Variants in ZNF600 observed in about 807,000 individuals in gnomAD.
The protein encoded by ZNF600 is zinc finger protein 600.
Under a neutral mutation model 7.3 loss-of-function variants are expected in ZNF600, and 4 were observed. The ratio of observed to expected loss-of-function variants is 0.55; its 90% CI spans 0.27 to 1.25. ZNF600 has a LOEUF of 1.25. Among genes scored for constraint, ZNF600 ranks in the 50% most tolerant of loss-of-function variants. The probability of loss-of-function intolerance (pLI) is 0.12; values close to 1 mark genes in which losing one functional copy is unlikely to be tolerated. For missense variants in ZNF600, 911 were observed against 922.1 expected (o/e 0.99, Z 0.16); for synonymous variants, 290 against 308.9 (o/e 0.94, Z 0.64).
chr19:52,792,659 T>G, the ZNF600 span, among the ~76,000 whole-genome samples: 1 of 152,188 alleles, frequency 6.6e-6, no homozygotes, highest in African/African-American at 2.4e-5. Context: ...TTGTTTAAAG[T>G]TGTCCCGCCT....
Position 52,766,951 on chromosome 19 carries a change from T to C in ZNF600, c.1012A>G (p.Thr338Ala), listed in dbSNP as rs761938884. ...TTACACTTGTAAGGTTTTTCTCCAG[T>C]ATGAATTGCCTTATGAATTACAAGG... Residue 338 changes from threonine (T) to alanine (A), a missense_variant, in exon 4 of 4, where the codon ACT (threonine) becomes GCT (alanine). Transcript: ENST00000648973. The C allele has an allele frequency of 8.1e-6, 13 of 1,613,902 alleles. No homozygotes were observed. The African/African-American group carries it at 1.1e-4, about 13-fold the overall frequency.
the ZNF600 span, among the ~76,000 whole-genome samples, chr19:52,794,455 C>T: frequency 2.6e-5 from 4 of 152,128 alleles, no homozygotes; most frequent in African/African-American, 9.7e-5. Context: ...AGACACTTCA[C>T]CAAGTTATCC....
chr19:52,798,822 TG>T, the ZNF600 span: 2 of 953,510 alleles, frequency 2.1e-6, no homozygotes, highest in Non-Finnish European at 3.2e-6. Context: ...GTAGCATTAC[TG>T]AAAACTTTGT....
chr19:52,813,249 G>GAAAAAAAAAAAAAAAAAAAA, the ZNF600 span, among the ~76,000 whole-genome samples: 12 of 62,988 alleles, frequency 1.9e-4, 3 homozygotes, highest in Non-Finnish European at 2.8e-4. Context: ...CTTGAATGGT[G>GAAAAAAAAAAAAAAAAAAAA]AAAAAAAAAA....
the ZNF600 span, among the ~76,000 whole-genome samples, chr19:52,815,203 G>A: frequency 6.9e-6 from 1 of 144,992 alleles, no homozygotes; most frequent in Non-Finnish European, 1.5e-5. Context: ...GCAGTGGGAG[G>A]AAGGAGAGGA....
the ZNF600 span, among the ~76,000 whole-genome samples, chr19:52,821,185 C>CAG: frequency 0.098 from 14,876 of 151,442 alleles, 790 homozygotes; most frequent in South Asian, 0.19. Flanking sequence ...ATCCCAGGAC[C>CAG]ACAGAACGCA....
the ZNF600 span, chr19:52,800,999 G>C: frequency 1.9e-6 from 3 of 1,613,910 alleles, no homozygotes; most frequent in Non-Finnish European, 2.5e-6. Context: ...GGGATGTATT[G>C]TGACCAAAGA....
the ZNF600 span, among the ~76,000 whole-genome samples, chr19:52,804,595 T>G: frequency 1.3e-5 from 2 of 152,194 alleles, no homozygotes; most frequent in Non-Finnish European, 2.9e-5. Context: ...TGTCTCAAAC[T>G]CGTGACCTCA....
the ZNF600 span, chr19:52,814,408 T>C: frequency 0.068 from 9,836 of 145,616 alleles, 1,488 homozygotes; most frequent in African/African-American, 0.15. Flanking sequence ...ATGGCCAAAA[T>C]GGTGAAACAC....
chr19:52,829,183 T>TTTTTATCTTA, the ZNF600 span, among the ~76,000 whole-genome samples: 1 of 91,732 alleles, frequency 1.1e-5, no homozygotes, highest in Non-Finnish European at 2.6e-5. Context: ...TTTTTTTCTT[T>TTTTTATCTTA]TTTTATTTTA....
At chr19:52,772,533 G>A (rs950982116) in intron 3 of ZNF600, among the ~76,000 whole-genome samples, 3 of 152,222 alleles carry the variant, frequency 2.0e-5, no homozygotes, top group Non-Finnish European at 4.4e-5. Flanking sequence ...AACCCGGGAG[G>A]TGGAGGTTGT....
At chr19:52,769,861 TG>T (rs1246974911) in intron 3 of ZNF600, among the ~76,000 whole-genome samples, 2 of 152,130 alleles carry the variant, frequency 1.3e-5, no homozygotes, top group African/African-American at 4.8e-5. Flanking sequence ...GGTGGCACTT[TG>T]TGACATTAAT....
chr19:52,829,629 C>T, the ZNF600 span, among the ~76,000 whole-genome samples: 10 of 152,036 alleles, frequency 6.6e-5, no homozygotes, highest in Non-Finnish European at 8.8e-5. Flanking sequence ...CCGTCTCGGC[C>T]GCCCAAAGTA....
chr19:52,827,259 A>G, the ZNF600 span, among the ~76,000 whole-genome samples: 213 of 152,020 alleles, frequency 1.4e-3, 1 homozygote, highest in African/African-American at 4.5e-3. Context: ...CAAAAAAAAA[A>G]AAAGAAAAAA....
chr19:52,765,850 T>G, exon 4 of ZNF600: 1 of 1,614,012 alleles, frequency 6.2e-7, no homozygotes, highest in Non-Finnish European at 8.5e-7. Flanking sequence ...TTGTAAAGTT[T>G]CTCCCCAGCA....
chr19:52,782,952 T>C (rs1291568224), intron 1 of ZNF600, among the ~76,000 whole-genome samples: 1 of 143,184 alleles, frequency 7.0e-6, no homozygotes, highest in East Asian at 2.0e-4. Flanking sequence ...GAAAAAAAAA[T>C]TACAAAAAGA....
chr19:52,775,540 C>G (rs1045943123), intron 2 of ZNF600, among the ~76,000 whole-genome samples: 4 of 152,114 alleles, frequency 2.6e-5, no homozygotes, highest in Admixed American at 6.6e-5. Context: ...CAGAGCAAGA[C>G]TCCATCTCAA....
the ZNF600 span, among the ~76,000 whole-genome samples, chr19:52,812,196 T>C: frequency 5.0e-4 from 50 of 99,962 alleles, 4 homozygotes; most frequent in Middle Eastern, 7.6e-3. Context: ...TGAGGGGCGC[T>C]TCTGCCCGGC....
chr19:52,801,226 T>C, the ZNF600 span: 8 of 1,614,052 alleles, frequency 5.0e-6, no homozygotes, highest in Non-Finnish European at 6.8e-6. Context: ...ATGTGTACAT[T>C]CCGTTTTTGT....
Sources: gnomAD v4.1 joint callset for allele counts (sites outside exome capture counted in the v4.1 genomes callset) on GRCh38, gnomAD v4.1.1 for gene constraint, MANE v1.5 for transcripts, NCBI Gene and HGNC (gene_info 2026-07-23, HGNC 2026-07-21) for gene names.